The following RNLS variants were observed in gnomAD, a reference collection of about 807,000 sequenced individuals.
RNLS encodes renalase, FAD dependent amine oxidase.
A neutral mutation model predicts 39.8 loss-of-function variants in RNLS; 39 were observed. That is an observed-to-expected ratio of 0.98 (90% confidence interval 0.76 to 1.28). The LOEUF (loss-of-function observed/expected upper bound fraction) is 1.28, where lower values mean the gene tolerates loss of function less well. RNLS is among the 50% of genes most tolerant of loss of function. The pLI is 0.00. For missense variants in RNLS, 410 were observed against 413.3 expected (o/e 0.99, Z 0.07); for synonymous variants, 147 against 150.7 (o/e 0.98, Z 0.18).
rs140717909 is a variant in RNLS at position 88,444,056 on chromosome 10, C to T, written c.527-81331G>A. On this transcript the variant is annotated intron_variant, in intron 4 of 6. Transcript: ENST00000331772. ...GGTCTCTGAACCCCGAGTAGCCTAA[C>T]TGGGAGGCACCCCCCAGTAGGGGAA... Among the ~76,000 whole-genome samples the T allele has an allele frequency of 4.1e-3, 628 of 152,348 alleles. 5 individuals carry two copies. The highest frequency in any genetic ancestry group is 0.014 in the African/African-American group (598 of 41,584).
At chr10:88,486,065 G>A (rs1159102099) in intron 4 of RNLS, among the ~76,000 whole-genome samples, 1 of 151,882 alleles carries the variant, frequency 6.6e-6, no homozygotes, top group Non-Finnish European at 1.5e-5. Flanking sequence ...TAGTTGCAAA[G>A]CATACATCTA....
chr10:88,286,273 C>T (rs1055244430), intron 6 of RNLS, among the ~76,000 whole-genome samples: 1 of 152,090 alleles, frequency 6.6e-6, no homozygotes, highest in African/African-American at 2.4e-5. Flanking sequence ...ATTTCACAAC[C>T]TTGTCCTTAA....
the RNLS span, among the ~76,000 whole-genome samples, chr10:88,172,046 C>T: frequency 6.6e-6 from 1 of 152,148 alleles, no homozygotes; most frequent in Non-Finnish European, 1.5e-5. Flanking sequence ...AGAAAAGGCA[C>T]ACTACATTTT....
chr10:88,318,652 G>A (rs556856528), intron 5 of RNLS, among the ~76,000 whole-genome samples: 6 of 152,312 alleles, frequency 3.9e-5, no homozygotes, highest in Admixed American at 3.3e-4. Context: ...GCTCTGGACT[G>A]GGGGAAGGGG....
At chr10:88,561,985 CCTGTTTTTACTTATCA>C (rs1256491000) in intron 4 of RNLS, among the ~76,000 whole-genome samples, 1 of 152,130 alleles carries the variant, frequency 6.6e-6, no homozygotes, top group Non-Finnish European at 1.5e-5. Context: ...GAGCAATCAA[CCTGTTTTTACTTATCA>C]CTTTGGCAGA....
chr10:88,478,855 T>C (rs934705203), intron 4 of RNLS, among the ~76,000 whole-genome samples: 4 of 152,116 alleles, frequency 2.6e-5, no homozygotes, highest in Non-Finnish European at 5.9e-5. Context: ...TTTTTCCTTC[T>C]TTCTTTCATT....
the RNLS span, among the ~76,000 whole-genome samples, chr10:88,174,827 G>T: frequency 1.3e-5 from 2 of 152,130 alleles, no homozygotes; most frequent in African/African-American, 4.8e-5. Context: ...AGTTTGCAAA[G>T]AATTGATGTT....
chr10:88,359,313 TAAA>T, intron 5 of RNLS, among the ~76,000 whole-genome samples: 1 of 147,434 alleles, frequency 6.8e-6, no homozygotes, highest in Admixed American at 6.8e-5. Flanking sequence ...GAAACTACAT[TAAA>T]AAAAAAAAAC....
intron 4 of RNLS, among the ~76,000 whole-genome samples, chr10:88,421,318 C>G (rs1854395741): frequency 6.6e-6 from 1 of 152,200 alleles, no homozygotes; most frequent in African/African-American, 2.4e-5. Context: ...AAAGAAGCTT[C>G]TCTTTATTCA....
At chr10:88,318,501 C>T (rs1394219769) in intron 5 of RNLS, among the ~76,000 whole-genome samples, 1 of 152,228 alleles carries the variant, frequency 6.6e-6, no homozygotes. Flanking sequence ...ACTTATCACA[C>T]TTTTTGTAGT....
intron 4 of RNLS, among the ~76,000 whole-genome samples, chr10:88,545,173 A>T (rs527676181): frequency 1.3e-5 from 2 of 152,250 alleles, no homozygotes; most frequent in South Asian, 4.1e-4. Context: ...TTAGCACTAC[A>T]ATCTGTATTT....
chr10:88,377,181 C>T (rs1356145441), intron 4 of RNLS, among the ~76,000 whole-genome samples: 2 of 152,024 alleles, frequency 1.3e-5, no homozygotes, highest in East Asian at 1.9e-4. Flanking sequence ...GTATTCTCCA[C>T]ATCTCTGTGT....
chr10:88,503,421 C>T (rs1253279843), intron 4 of RNLS, among the ~76,000 whole-genome samples: 7 of 152,004 alleles, frequency 4.6e-5, no homozygotes. Context: ...AATCATTGTC[C>T]TCAAAGCTTT....
chr10:88,324,481 T>C (rs1460482329), intron 5 of RNLS, among the ~76,000 whole-genome samples: 5 of 149,576 alleles, frequency 3.3e-5, no homozygotes, highest in Non-Finnish European at 5.9e-5. Flanking sequence ...TTTTCACTTA[T>C]AAGTAAGAGC....
At chr10:88,463,495 C>G (rs1564819876) in intron 4 of RNLS, among the ~76,000 whole-genome samples, 1 of 151,922 alleles carries the variant, frequency 6.6e-6, no homozygotes, top group African/African-American at 2.4e-5. Context: ...TTTAAGCCAC[C>G]CAGTCTGTGG....
intron 4 of RNLS, among the ~76,000 whole-genome samples, chr10:88,470,842 C>T (rs1409266567): frequency 6.6e-6 from 1 of 152,096 alleles, no homozygotes; most frequent in Non-Finnish European, 1.5e-5. Context: ...TCTCAAACTC[C>T]TGACCTTGTG....
chr10:88,581,587 TTAA>T lies in RNLS; in HGVS notation c.344_346del (p.Ile115del). 6.2e-7 allele frequency: 1 copy of T among 1,600,512 alleles called. No homozygotes were observed. Among genetic ancestry groups the T allele is most frequent in the African/African-American group, 1.3e-5 (1 of 74,330 alleles). On this transcript the variant is annotated inframe_deletion, in exon 3 of 7. Coordinates refer to ENST00000331772, the MANE Select transcript of RNLS (RefSeq NM_001031709.3). ...CCCACCTGATTCTTTCAAGTAATGC[TTAA>T]TAATTGAAGAAATTCCTTGAGGTGC...
At chr10:88,237,230 C>CTCCCTCCCTCCCTTCCTTCCT in the RNLS span, among the ~76,000 whole-genome samples, 1 of 141,826 alleles carries the variant, frequency 7.1e-6, no homozygotes, top group Non-Finnish European at 1.5e-5. Context: ...CCCTCCCTCC[C>CTCCCTCCCTCCCTTCCTTCCT]TCCCTCCCTC....
At chr10:88,187,187 A>ATTAT in the RNLS span, among the ~76,000 whole-genome samples, 1 of 9,572 alleles carries the variant, frequency 1.0e-4, no homozygotes, top group African/African-American at 4.3e-4. Context: ...TAATATATAT[A>ATTAT]ATATATATAA....
Sources: gnomAD v4.1 joint callset for allele counts (sites outside exome capture counted in the v4.1 genomes callset) on GRCh38, gnomAD v4.1.1 for gene constraint, MANE v1.5 for transcripts, NCBI Gene and HGNC (gene_info 2026-07-23, HGNC 2026-07-21) for gene names.